FAF1: variants seen among roughly 807,000 people sequenced by gnomAD.
The protein encoded by FAF1 is FAS-associated factor 1.
FAF1 carries 25 observed loss-of-function variants against 92.5 expected under a neutral mutation model. That is an observed-to-expected ratio of 0.27 (90% CI 0.20 to 0.38). The LOEUF (loss-of-function observed/expected upper bound fraction) is 0.38, where lower values mean the gene tolerates loss of function less well. Ranked by LOEUF, FAF1 falls within the 10% of genes least tolerant of loss-of-function variation. FAF1 has a pLI of 1.00. For synonymous variants in FAF1, 234 were observed against 273.2 expected (o/e 0.86, Z 1.42); for missense variants, 636 against 793.3 (o/e 0.80, Z 2.38).
rs1558004340 is a variant in FAF1 at position 50,583,812 on chromosome 1, T to C, written c.968-97A>G. 1 of 631,078 alleles carries C rather than the reference T, an allele frequency of 1.6e-6. No individual in the cohort carries two copies. Among genetic ancestry groups the C allele is most frequent in the Non-Finnish European group, 2.7e-6 (1 of 374,486 alleles). 39.1% of individuals were successfully genotyped at this position (631,078 alleles called of 1,614,324 possible). A position where few individuals can be genotyped will look rare whatever the true frequency, so the allele number is the denominator to read the frequency against. ...CATCTAATCCCACATATAAGAAATA[T>C]ATTCAATCAATAAAGAGGAAATAAA... On this transcript the variant is annotated intron_variant, in intron 10 of 18. Transcript: ENST00000396153. The surrounding 1 kb of genome is among the most constrained non-coding windows in gnomAD (Gnocchi z 4.2).
chr1:50,451,259 T>C (rs1197931732), intron 18 of FAF1, among the ~76,000 whole-genome samples: 2 of 152,194 alleles, frequency 1.3e-5, no homozygotes, highest in African/African-American at 4.8e-5. Flanking sequence ...GGAATAGAAA[T>C]TGTGCCTTGT....
At chr1:50,444,044 A>T (rs1022150370) in intron 18 of FAF1, among the ~76,000 whole-genome samples, 1 of 152,224 alleles carries the variant, frequency 6.6e-6, no homozygotes, top group Non-Finnish European at 1.5e-5. Flanking sequence ...CTAAAAATAA[A>T]ATCAAGCAAT....
At chr1:50,822,468 C>CA (rs1042571772) in intron 2 of FAF1, among the ~76,000 whole-genome samples, 3 of 152,100 alleles carry the variant, frequency 2.0e-5, no homozygotes, top group Non-Finnish European at 2.9e-5. Context: ...TTACTGAAAC[C>CA]AAAATAAAAG....
chr1:50,507,222 C>T (rs1647069934), intron 15 of FAF1, among the ~76,000 whole-genome samples: 1 of 152,130 alleles, frequency 6.6e-6, no homozygotes, highest in Admixed American at 6.5e-5. Context: ...CTAAAATAGA[C>T]AAGCAAGCCC....
chr1:50,927,914 T>C (rs1454574701), intron 1 of FAF1, among the ~76,000 whole-genome samples: 1 of 152,226 alleles, frequency 6.6e-6, no homozygotes, highest in Non-Finnish European at 1.5e-5. Flanking sequence ...TATTCTGTTC[T>C]TTTAACCAAA....
At chr1:50,630,081 A>G (rs887715710) in intron 8 of FAF1, among the ~76,000 whole-genome samples, 1 of 152,130 alleles carries the variant, frequency 6.6e-6, no homozygotes, top group Non-Finnish European at 1.5e-5. Context: ...ATCGACGTTC[A>G]GCAAAATGCC....
At chr1:50,645,806 G>A (rs573769014) in intron 8 of FAF1, among the ~76,000 whole-genome samples, 2 of 151,410 alleles carry the variant, frequency 1.3e-5, no homozygotes, top group South Asian at 4.2e-4. Flanking sequence ...CCAGCCTGGG[G>A]GACAGAGTGA....
intron 9 of FAF1, among the ~76,000 whole-genome samples, chr1:50,588,303 G>A (rs1161916617): frequency 1.3e-5 from 2 of 152,190 alleles, no homozygotes; most frequent in African/African-American, 4.8e-5. Flanking sequence ...CAGGCTGAAT[G>A]TGAACTTATT....
intron 6 of FAF1, among the ~76,000 whole-genome samples, chr1:50,716,456 T>A (rs1320040593): frequency 1.3e-5 from 2 of 152,232 alleles, no homozygotes; most frequent in African/African-American, 2.4e-5. Flanking sequence ...TGAAGCCAGC[T>A]GGACTTCCTG....
intron 1 of FAF1, among the ~76,000 whole-genome samples, chr1:50,928,599 T>C (rs147072665): frequency 0.014 from 1,987 of 141,184 alleles, 42 homozygotes; most frequent in African/African-American, 0.048. Flanking sequence ...CTGGCCAACA[T>C]AGTGAAACCC....
At chr1:50,754,033 G>A (rs766988285) in intron 4 of FAF1, among the ~76,000 whole-genome samples, 2 of 152,108 alleles carry the variant, frequency 1.3e-5, no homozygotes, top group Non-Finnish European at 2.9e-5. Flanking sequence ...TGGGATTACA[G>A]ACGTGAACCA....
intron 6 of FAF1, among the ~76,000 whole-genome samples, chr1:50,730,690 C>CA (rs1359253686): frequency 6.6e-6 from 1 of 152,204 alleles, no homozygotes; most frequent in African/African-American, 2.4e-5. Flanking sequence ...ATACTATACC[C>CA]AAATGGCTCA....
chr1:50,732,599 C>A lies in FAF1; in HGVS notation c.551+6264G>T, dbSNP rs1168606517. Among the ~76,000 whole-genome samples, 4 of 152,058 alleles carry A rather than the reference C, an allele frequency of 2.6e-5. No homozygotes were observed. The East Asian group carries it at 7.7e-4, about 29-fold the overall frequency. The stretch of plus-strand genomic sequence containing the variant: ...GTTAATATTTCCCTGGGGTCACTTT[C>A]TTTTCCTTTATTTTCTCTGTCATTT... On this transcript the variant is annotated intron_variant, in intron 6 of 18. Transcript: ENST00000396153.
At chr1:50,464,170 A>T (rs1646466274) in intron 18 of FAF1, among the ~76,000 whole-genome samples, 1 of 152,004 alleles carries the variant, frequency 6.6e-6, no homozygotes, top group African/African-American at 2.4e-5. Flanking sequence ...CTTTATTTTT[A>T]AATTTTTATT....
intron 14 of FAF1, 105 bp from the exon 15 acceptor site, chr1:50,535,562 G>T: frequency 1.7e-6 from 1 of 576,172 alleles, no homozygotes; most frequent in East Asian, 2.9e-5. Context: ...TAACCAGAAA[G>T]GAATAATCAG....
chr1:50,823,971 G>C (rs949753232), intron 2 of FAF1, among the ~76,000 whole-genome samples: 1 of 152,032 alleles, frequency 6.6e-6, no homozygotes, highest in Admixed American at 6.5e-5. Context: ...TTTAAAAAAT[G>C]CTTTATTTAA....
intron 4 of FAF1, among the ~76,000 whole-genome samples, chr1:50,749,570 G>C (rs372026531): frequency 1.4e-4 from 21 of 152,282 alleles, no homozygotes; most frequent in East Asian, 1.2e-3. Context: ...AGGACAGCTT[G>C]AGCTCAGAAG....
intron 6 of FAF1, among the ~76,000 whole-genome samples, chr1:50,711,617 C>T (rs1272192312): frequency 6.6e-6 from 1 of 151,976 alleles, no homozygotes; most frequent in Non-Finnish European, 1.5e-5. Context: ...CAGGCGCATA[C>T]CACCATGCCC....
At position 50,449,185 on chromosome 1, in the gene FAF1, C is replaced by A. The variant is rs576456959; in HGVS notation, c.1870-7662G>T. ...TTTTACAGTTCTCAAAACACTTTCA[C>A]ATATATTATCTAAACGTTAAAGCTA... On this transcript the variant is annotated intron_variant, in intron 18 of 18. Transcript: ENST00000396153. 5.3e-5 allele frequency among the ~76,000 whole-genome samples: 8 copies of A among 152,254 alleles called. No individual in the cohort carries two copies. In the South Asian group the frequency reaches 1.7e-3, roughly 32 times the overall value.
Sources: gnomAD v4.1 joint callset for allele counts (sites outside exome capture counted in the v4.1 genomes callset) on GRCh38, gnomAD v4.1.1 for gene constraint, Gnocchi (gnomAD v3.1) non-coding constraint, MANE v1.5 for transcripts, NCBI Gene and HGNC (gene_info 2026-07-23, HGNC 2026-07-21) for gene names.